CDH13: variants seen among roughly 807,000 people sequenced by gnomAD.
CDH13 encodes cadherin 13, also known as cadherin-13.
In CDH13, 24 loss-of-function variants were observed where a neutral mutation model predicts 63.8. That is an observed-to-expected ratio of 0.38 (90% CI 0.27 to 0.53). The LOEUF is 0.53. Among genes scored for constraint, CDH13 ranks in the 20% least tolerant of loss-of-function variants. The probability of loss-of-function intolerance (pLI) is 0.85; values close to 1 mark genes in which losing one functional copy is unlikely to be tolerated. For missense variants in CDH13, 1,049 were observed against 903.1 expected, an observed-to-expected ratio of 1.16 and a Z score of -2.07; for synonymous variants, 503 against 355.3, an observed-to-expected ratio of 1.42 and a Z score of -4.67.
chr16:82,879,859 A>T (rs1210527959), intron 2 of CDH13, among the ~76,000 whole-genome samples: 2 of 142,796 alleles, frequency 1.4e-5, no homozygotes, highest in Non-Finnish European at 3.0e-5. Flanking sequence ...GTGAATATAT[A>T]ATAGATTTAT....
chr16:83,434,508 C>T (rs2072226890), intron 6 of CDH13, among the ~76,000 whole-genome samples: 1 of 151,972 alleles, frequency 6.6e-6, no homozygotes, highest in Non-Finnish European at 1.5e-5. Context: ...ACTGAAGTGC[C>T]AATGATTCAA....
chr16:83,294,452 C>T (rs1005742282), intron 5 of CDH13, among the ~76,000 whole-genome samples: 3 of 152,138 alleles, frequency 2.0e-5, no homozygotes, highest in African/African-American at 7.2e-5. Flanking sequence ...CTTCTGTGAG[C>T]TCAACATTTT....
chr16:83,735,709 T>G (rs1334687729), intron 10 of CDH13: 1 of 151,974 alleles, frequency 6.6e-6, no homozygotes, highest in Non-Finnish European at 1.5e-5. Flanking sequence ...TCATACTTTG[T>G]GCTGGACTGG....
chr16:83,059,817 A>G (rs549032698), intron 3 of CDH13, among the ~76,000 whole-genome samples: 1 of 128,894 alleles, frequency 7.8e-6, no homozygotes, highest in Non-Finnish European at 1.6e-5. Flanking sequence ...TTTTTTTAGA[A>G]GGAGTCTCGC....
intron 1 of CDH13, among the ~76,000 whole-genome samples, chr16:82,772,395 T>G (rs1172086140): frequency 6.6e-6 from 1 of 152,140 alleles, no homozygotes; most frequent in African/African-American, 2.4e-5. Flanking sequence ...AGCACTCATG[T>G]ATACCAGCTG....
intron 6 of CDH13, among the ~76,000 whole-genome samples, chr16:83,388,107 T>G (rs1325876562): frequency 6.6e-6 from 1 of 152,030 alleles, no homozygotes; most frequent in Non-Finnish European, 1.5e-5. Flanking sequence ...TGTACTTGGC[T>G]GGCAGGTTTT....
At chr16:83,492,786 T>G (rs2074030077) in intron 7 of CDH13, among the ~76,000 whole-genome samples, 1 of 152,146 alleles carries the variant, frequency 6.6e-6, no homozygotes, top group South Asian at 2.1e-4. Context: ...GGTCTTTATC[T>G]TGTGGCCTCA....
At chr16:83,259,950 C>G (rs151327329) in intron 5 of CDH13, among the ~76,000 whole-genome samples, 119 of 152,172 alleles carry the variant, frequency 7.8e-4, no homozygotes, top group African/African-American at 2.6e-3. Flanking sequence ...TTGAGTGATT[C>G]TAACAATTGA....
chr16:83,577,971 C>T (rs1260864520), intron 7 of CDH13, among the ~76,000 whole-genome samples: 2 of 152,136 alleles, frequency 1.3e-5, no homozygotes, highest in Non-Finnish European at 2.9e-5. Flanking sequence ...TGAGAGTTCA[C>T]TATTCATACA....
chr16:83,216,443 T>TATATATATATACAC (rs1472700247), intron 4 of CDH13, among the ~76,000 whole-genome samples: 4 of 93,420 alleles, frequency 4.3e-5, no homozygotes, highest in African/African-American at 1.6e-4. Context: ...TATATATATA[T>TATATATATATACAC]ACACAACCCT....
intron 8 of CDH13, among the ~76,000 whole-genome samples, chr16:83,618,964 CTGAG>C (rs1240130320): frequency 1.3e-5 from 2 of 152,252 alleles, no homozygotes; most frequent in Admixed American, 1.3e-4. Flanking sequence ...CAGTTACAGA[CTGAG>C]TATCAGTTTT....
intron 5 of CDH13, among the ~76,000 whole-genome samples, chr16:83,322,956 C>T (rs1214499314): frequency 6.6e-6 from 1 of 152,078 alleles, no homozygotes; most frequent in Admixed American, 6.5e-5. Flanking sequence ...AGAAACCTGG[C>T]ATCCCCATGG....
At chr16:83,424,838 G>C (rs17215445) in intron 6 of CDH13, among the ~76,000 whole-genome samples, 167 of 152,196 alleles carry the variant, frequency 1.1e-3, no homozygotes, top group Non-Finnish European at 2.1e-3. Flanking sequence ...GTAGCTCTTC[G>C]CAGCTTGTGC....
At chr16:83,351,741 A>G (rs1052327392) in intron 6 of CDH13, among the ~76,000 whole-genome samples, 1 of 152,218 alleles carries the variant, frequency 6.6e-6, no homozygotes, top group African/African-American at 2.4e-5. Context: ...CATGAGCTGG[A>G]TTAATGGGAT....
intron 7 of CDH13, among the ~76,000 whole-genome samples, chr16:83,515,441 A>G (rs928150107): frequency 2.6e-5 from 4 of 152,348 alleles, no homozygotes; most frequent in African/African-American, 9.6e-5. Context: ...ACATATCTGC[A>G]TGTGTTCAGT....
intron 2 of CDH13, among the ~76,000 whole-genome samples, chr16:82,884,934 C>G (rs1452114222): frequency 6.6e-6 from 1 of 152,214 alleles, no homozygotes; most frequent in Non-Finnish European, 1.5e-5. Flanking sequence ...GTCTAAAGCT[C>G]TTTCTTTTGG....
chr16:82,984,046 G>A (rs147033610), intron 2 of CDH13, among the ~76,000 whole-genome samples: 8 of 152,304 alleles, frequency 5.3e-5, no homozygotes, highest in African/African-American at 1.9e-4. Context: ...ACCTCAGACA[G>A]TTGTAGAAAT....
chr16:83,313,028 G>C (rs1398007802), intron 5 of CDH13, among the ~76,000 whole-genome samples: 1 of 152,142 alleles, frequency 6.6e-6, no homozygotes, highest in Admixed American at 6.6e-5. Context: ...AAGTGCATGG[G>C]GAATCAGCAC....
At chr16:82,664,249 T>C (rs1330465930) in intron 1 of CDH13, among the ~76,000 whole-genome samples, 3 of 152,240 alleles carry the variant, frequency 2.0e-5, no homozygotes, top group African/African-American at 7.2e-5. Flanking sequence ...TTCACATGGC[T>C]GTGTCTCTCC....
Sources: allele counts gnomAD v4.1 joint callset (sites outside exome capture counted in the v4.1 genomes callset), GRCh38; gene constraint gnomAD v4.1.1; transcripts MANE v1.5; gene names NCBI Gene and HGNC (gene_info 2026-07-23, HGNC 2026-07-21).